Variants in KDM4C observed in about 807,000 individuals in gnomAD.
KDM4C encodes the protein lysine demethylase 4C.
A neutral mutation model predicts 129.3 loss-of-function variants in KDM4C; 81 were observed. That is an observed-to-expected ratio of 0.63 (90% confidence interval 0.52 to 0.75). The LOEUF (loss-of-function observed/expected upper bound fraction) is 0.75. Ranked by LOEUF, KDM4C falls within the 30% of genes least tolerant of loss-of-function variation. The pLI, the probability that KDM4C is intolerant of heterozygous loss-of-function variation, is 0.00. For missense variants in KDM4C, 1,457 were observed against 1,304.0 expected, an observed-to-expected ratio of 1.12 and a Z score of -1.81; for synonymous variants, 573 against 456.1, an observed-to-expected ratio of 1.26 and a Z score of -3.26.
chr9:6,927,633 C>T (rs1822879920), intron 8 of KDM4C, among the ~76,000 whole-genome samples: 1 of 152,196 alleles, frequency 6.6e-6, no homozygotes, highest in Non-Finnish European at 1.5e-5. Context: ...CCAGGGACCA[C>T]ACGAAACTGC....
chr9:6,810,894 A>T (rs1455989617), intron 3 of KDM4C, among the ~76,000 whole-genome samples: 1 of 152,160 alleles, frequency 6.6e-6, no homozygotes, highest in Non-Finnish European at 1.5e-5. Context: ...TAAATAAATA[A>T]ATAAAGTTAA....
chr9:7,060,160 A>G (rs1463838464), intron 17 of KDM4C, among the ~76,000 whole-genome samples: 1 of 149,784 alleles, frequency 6.7e-6, no homozygotes, highest in Non-Finnish European at 1.5e-5. Context: ...GTCCTCCACC[A>G]TTTTAGGCAC....
intron 12 of KDM4C, among the ~76,000 whole-genome samples, chr9:7,009,965 A>T (rs1254823917): frequency 6.6e-6 from 1 of 152,248 alleles, no homozygotes; most frequent in Non-Finnish European, 1.5e-5. Context: ...ATGAAGGCAT[A>T]AAATATATGC....
chr9:6,772,425 G>A (rs1006889642), intron 1 of KDM4C, among the ~76,000 whole-genome samples: 2 of 151,988 alleles, frequency 1.3e-5, no homozygotes, highest in Admixed American at 6.6e-5. Context: ...GCAATGGCAC[G>A]ATCTTGGCTC....
chr9:7,172,243 G>T (rs928859980), intron 21 of KDM4C, among the ~76,000 whole-genome samples: 4 of 152,098 alleles, frequency 2.6e-5, no homozygotes, highest in South Asian at 2.1e-4. Context: ...CACGCTGACT[G>T]GGGGAGAAAC....
chr9:6,993,453 G>A (rs1819115732), intron 12 of KDM4C, among the ~76,000 whole-genome samples: 1 of 152,110 alleles, frequency 6.6e-6, no homozygotes, highest in South Asian at 2.1e-4. Context: ...TAAAAATTAC[G>A]CAAATGTTGT....
At chr9:6,796,806 A>T (rs942312098) in intron 2 of KDM4C, among the ~76,000 whole-genome samples, 1 of 152,206 alleles carries the variant, frequency 6.6e-6, no homozygotes. Flanking sequence ...TTTGACGTCA[A>T]GTCACATAAG....
At chr9:6,854,381 C>T (rs960896807) in intron 5 of KDM4C, among the ~76,000 whole-genome samples, 40 of 151,668 alleles carry the variant, frequency 2.6e-4, no homozygotes, top group South Asian at 2.1e-4. Flanking sequence ...CAAAATTAGC[C>T]GGGTGTGGTG....
At chr9:6,849,486 T>C in intron 4 of KDM4C, 21 bp from the exon 5 acceptor site, 1 of 1,514,856 alleles carries the variant, frequency 6.6e-7, no homozygotes, top group Non-Finnish European at 8.9e-7. Flanking sequence ...TTTCTCTCTC[T>C]TTTTTTCTCT....
chr9:7,066,700 C>G (rs1832468229), intron 17 of KDM4C, among the ~76,000 whole-genome samples: 1 of 152,134 alleles, frequency 6.6e-6, no homozygotes, highest in South Asian at 2.1e-4. Context: ...CATTGTAGTA[C>G]TGCTCCAAAT....
At chr9:7,017,286 C>T (rs1823872481) in intron 15 of KDM4C, among the ~76,000 whole-genome samples, 1 of 152,144 alleles carries the variant, frequency 6.6e-6, no homozygotes, top group African/African-American at 2.4e-5. Context: ...CTTACTCATC[C>T]TTACATTTAT....
chr9:6,749,742 T>A (rs982190401), intron 1 of KDM4C, among the ~76,000 whole-genome samples: 1 of 151,648 alleles, frequency 6.6e-6, no homozygotes, highest in African/African-American at 2.4e-5. Flanking sequence ...ATCCCAGCAC[T>A]TTGGGAGGCT....
At chr9:6,805,851 G>A in intron 3 of KDM4C, 77 bp downstream of exon 3, 2 of 1,341,740 alleles carry the variant, frequency 1.5e-6, no homozygotes, top group Non-Finnish European at 2.0e-6. Context: ...GTAGACAGAG[G>A]AGCTTATAAA....
intron 1 of KDM4C, among the ~76,000 whole-genome samples, chr9:6,734,346 G>A (rs1252611095): frequency 6.8e-6 from 1 of 147,700 alleles, no homozygotes; most frequent in African/African-American, 2.5e-5. Context: ...CCAGGCTGGA[G>A]TGCAATGGCG....
At chr9:7,146,559 A>C (rs1056921075) in intron 19 of KDM4C, among the ~76,000 whole-genome samples, 1 of 152,160 alleles carries the variant, frequency 6.6e-6, no homozygotes, top group African/African-American at 2.4e-5. Flanking sequence ...CTTATGTAGG[A>C]GTTCTTATAC....
At chr9:6,926,341 T>TAAAAAAAAAAAAA (rs33974740) in intron 8 of KDM4C, among the ~76,000 whole-genome samples, 1,322 of 107,046 alleles carry the variant, frequency 0.012, 24 homozygotes, top group Middle Eastern at 0.03. Context: ...AGATAATTTG[T>TAAAAAAAAAAAAA]AAAAAAAAAA....
intron 15 of KDM4C, among the ~76,000 whole-genome samples, chr9:7,024,774 A>G (rs1825514839): frequency 6.6e-6 from 1 of 152,218 alleles, no homozygotes; most frequent in South Asian, 2.1e-4. Context: ...TGCTATTGTG[A>G]ATAGTGCTGC....
At chr9:7,153,711 C>A (rs909929905) in intron 19 of KDM4C, among the ~76,000 whole-genome samples, 4 of 152,182 alleles carry the variant, frequency 2.6e-5, no homozygotes, top group African/African-American at 9.7e-5. Context: ...TGGCAACCAA[C>A]AGAAACTGAC....
At chr9:6,865,773 C>T (rs544575810) in intron 5 of KDM4C, among the ~76,000 whole-genome samples, 62 of 151,096 alleles carry the variant, frequency 4.1e-4, no homozygotes, top group African/African-American at 1.4e-3. Context: ...TTTTGTGCGA[C>T]GGAGTCTCGC....
Sources: gnomAD v4.1 joint callset for allele counts (sites outside exome capture counted in the v4.1 genomes callset) on GRCh38, gnomAD v4.1.1 for gene constraint, MANE v1.5 for transcripts, NCBI Gene and HGNC (gene_info 2026-07-23, HGNC 2026-07-21) for gene names.